The following GALNT13 variants were observed in gnomAD, a reference collection of about 807,000 sequenced individuals.
GALNT13 encodes the protein UDP-GalNAc:polypeptide N-acetylgalactosaminyltransferase 13.
Under a neutral mutation model 64.2 loss-of-function variants are expected in GALNT13, and 28 were observed. The observed-to-expected ratio is 0.44, with a 90% CI of 0.32 to 0.60. The LOEUF (loss-of-function observed/expected upper bound fraction) is 0.60. Among genes scored for constraint, GALNT13 ranks in the 20% least tolerant of loss-of-function variants. The probability of loss-of-function intolerance (pLI) is 0.05; values close to 1 mark genes in which losing one functional copy is unlikely to be tolerated. For missense variants in GALNT13, 577 were observed against 669.8 expected, an observed-to-expected ratio of 0.86 and a Z score of 1.53; for synonymous variants, 214 against 224.6, an observed-to-expected ratio of 0.95 and a Z score of 0.42.
chr2:153,266,636 G>C, the GALNT13 span, among the ~76,000 whole-genome samples: 1 of 152,046 alleles, frequency 6.6e-6, no homozygotes, highest in Non-Finnish European at 1.5e-5. Flanking sequence ...GATCTCATGA[G>C]AACTCACTCA....
chr2:153,658,629 A>G, the GALNT13 span, among the ~76,000 whole-genome samples: 1 of 152,160 alleles, frequency 6.6e-6, no homozygotes, highest in Non-Finnish European at 1.5e-5. Flanking sequence ...TAAGTACAAG[A>G]GTATATATGA....
chr2:153,247,083 A>G, the GALNT13 span, among the ~76,000 whole-genome samples: 1 of 152,226 alleles, frequency 6.6e-6, no homozygotes, highest in South Asian at 2.1e-4. Context: ...TCAATGCAAC[A>G]AGAGCTAACT....
the GALNT13 span, among the ~76,000 whole-genome samples, chr2:153,671,886 A>G: frequency 6.6e-6 from 1 of 152,192 alleles, no homozygotes. Context: ...AGCAAAAAAA[A>G]GCAGGGGTTG....
At chr2:153,859,331 A>G in the GALNT13 span, among the ~76,000 whole-genome samples, 3 of 152,186 alleles carry the variant, frequency 2.0e-5, no homozygotes, top group Admixed American at 2.0e-4. Flanking sequence ...CATACACACA[A>G]TCTGTATCTA....
chr2:153,638,660 A>C, the GALNT13 span, among the ~76,000 whole-genome samples: 1 of 152,026 alleles, frequency 6.6e-6, no homozygotes, highest in Non-Finnish European at 1.5e-5. Context: ...GGAAAAGTAC[A>C]CAGCCCAACC....
chr2:154,165,892 T>C (rs1408217833), intron 4 of GALNT13, among the ~76,000 whole-genome samples: 2 of 152,204 alleles, frequency 1.3e-5, no homozygotes, highest in African/African-American at 2.4e-5. Flanking sequence ...AGATTTTCGA[T>C]TGATTACCAG....
At chr2:153,119,533 A>C in the GALNT13 span, among the ~76,000 whole-genome samples, 1 of 152,234 alleles carries the variant, frequency 6.6e-6, no homozygotes, top group Non-Finnish European at 1.5e-5. Flanking sequence ...TATACATAAA[A>C]TAAGATAAAA....
chr2:154,439,344 T>C (rs1024095357), intron 12 of GALNT13, among the ~76,000 whole-genome samples: 3 of 152,134 alleles, frequency 2.0e-5, no homozygotes, highest in African/African-American at 7.2e-5. Context: ...AGATCAGCCA[T>C]CAGATGGAGC....
At chr2:153,624,792 CTTTTTT>C in the GALNT13 span, among the ~76,000 whole-genome samples, 78 of 121,214 alleles carry the variant, frequency 6.4e-4, no homozygotes, top group African/African-American at 2.2e-3. Context: ...GGAAGAGAGA[CTTTTTT>C]TTTTTTTTTT....
the GALNT13 span, among the ~76,000 whole-genome samples, chr2:153,635,441 C>CATATATATGTGTATATATATATAT: frequency 4.3e-3 from 554 of 129,332 alleles, 8 homozygotes; most frequent in African/African-American, 0.013. Flanking sequence ...TATATATATA[C>CATATATATGTGTATATATATATAT]ACACATATAT....
At chr2:153,370,092 A>G in the GALNT13 span, among the ~76,000 whole-genome samples, 2 of 152,210 alleles carry the variant, frequency 1.3e-5, no homozygotes, top group Non-Finnish European at 2.9e-5. Context: ...ATTTGATAAC[A>G]TAAATGTTAG....
intron 9 of GALNT13, among the ~76,000 whole-genome samples, chr2:154,392,958 A>C (rs542045577): frequency 6.6e-6 from 1 of 152,288 alleles, no homozygotes; most frequent in Non-Finnish European, 1.5e-5. Flanking sequence ...ATGAGTTAAA[A>C]ATGTATATGT....
chr2:153,499,169 T>C, the GALNT13 span, among the ~76,000 whole-genome samples: 1 of 152,114 alleles, frequency 6.6e-6, no homozygotes, highest in East Asian at 1.9e-4. Flanking sequence ...GGTTCTTATC[T>C]TGCTTTCAGG....
chr2:154,081,427 CA>C (rs1470607386), intron 3 of GALNT13, among the ~76,000 whole-genome samples: 1 of 151,540 alleles, frequency 6.6e-6, no homozygotes, highest in African/African-American at 2.4e-5. Flanking sequence ...TCTTAACAAA[CA>C]ATCACATCAC....
the GALNT13 span, among the ~76,000 whole-genome samples, chr2:153,403,192 A>C: frequency 5.3e-3 from 792 of 150,128 alleles, 23 homozygotes; most frequent in African/African-American, 0.018. Flanking sequence ...CTGCCGTGTG[A>C]GGTGTCGGTA....
chr2:153,115,540 T>C, the GALNT13 span, among the ~76,000 whole-genome samples: 11 of 152,172 alleles, frequency 7.2e-5, no homozygotes, highest in Non-Finnish European at 1.6e-4. Flanking sequence ...ATTGTCGGTA[T>C]TTCCTTTAGC....
chr2:153,436,935 TC>T, the GALNT13 span, among the ~76,000 whole-genome samples: 1 of 152,196 alleles, frequency 6.6e-6, no homozygotes, highest in Non-Finnish European at 1.5e-5. Flanking sequence ...CAATTTTGGA[TC>T]TTTCCTGCTT....
At chr2:153,926,235 T>G (rs1436411688) in intron 2 of GALNT13, 1 of 152,104 alleles carries the variant, frequency 6.6e-6, no homozygotes, top group African/African-American at 2.4e-5. Flanking sequence ...ATATTAAAAT[T>G]TATTTACATG....
chr2:153,392,746 A>G, the GALNT13 span, among the ~76,000 whole-genome samples: 1 of 152,040 alleles, frequency 6.6e-6, no homozygotes, highest in East Asian at 1.9e-4. Context: ...CCTGCTTGAC[A>G]TCTTCAGACA....
Sources: gnomAD v4.1 joint callset for allele counts (sites outside exome capture counted in the v4.1 genomes callset) on GRCh38, gnomAD v4.1.1 for gene constraint, MANE v1.5 for transcripts, NCBI Gene and HGNC (gene_info 2026-07-23, HGNC 2026-07-21) for gene names.